The following ARHGEF11 variants were observed in gnomAD, a reference collection of about 807,000 sequenced individuals.
ARHGEF11 encodes the protein Rho guanine exchange factor (GEF) 11.
ARHGEF11 carries 55 observed loss-of-function variants against 193.7 expected under a neutral mutation model. That is an observed-to-expected ratio of 0.28 (90% CI 0.23 to 0.36). ARHGEF11 has a LOEUF of 0.36. Ranked by LOEUF, ARHGEF11 falls within the 10% of genes least tolerant of loss-of-function variation. The pLI, the probability that ARHGEF11 is intolerant of heterozygous loss-of-function variation, is 1.00. For synonymous variants in ARHGEF11, 693 were observed against 768.0 expected, an observed-to-expected ratio of 0.90 and a Z score of 1.62; for missense variants, 1,723 against 2,005.6, an observed-to-expected ratio of 0.86 and a Z score of 2.69.
chr1:157,000,695 G>C (rs1667105638), intron 1 of ARHGEF11, among the ~76,000 whole-genome samples: 1 of 152,214 alleles, frequency 6.6e-6, no homozygotes, highest in Admixed American at 6.5e-5. Context: ...ACCATCAAAT[G>C]GGTAACTTGT....
At chr1:157,011,031 T>C (rs971757883) in intron 1 of ARHGEF11, among the ~76,000 whole-genome samples, 8 of 152,176 alleles carry the variant, frequency 5.3e-5, no homozygotes, top group African/African-American at 1.7e-4. Flanking sequence ...TGAAAATGAA[T>C]AGCTAAAACA....
intron 7 of ARHGEF11, among the ~76,000 whole-genome samples, chr1:156,975,609 AAG>A (rs879507564): frequency 1.4e-4 from 22 of 152,222 alleles, no homozygotes; most frequent in Admixed American, 2.0e-4. Context: ...TGTCATATCT[AAG>A]AAACCACTGC....
At chr1:156,991,695 CT>C (rs899110710) in intron 1 of ARHGEF11, among the ~76,000 whole-genome samples, 1 of 122,488 alleles carries the variant, frequency 8.2e-6, no homozygotes, top group Non-Finnish European at 1.8e-5. Flanking sequence ...TTAGGGTTTT[CT>C]TTTTTTCAAG....
chr1:157,046,569 A>T (rs1014648587), upstream of ARHGEF11, among the ~76,000 whole-genome samples: 1 of 151,962 alleles, frequency 6.6e-6, no homozygotes, highest in Non-Finnish European at 1.5e-5. Context: ...CCACCGACTT[A>T]GGGGGAAGAC....
chr1:156,991,710 ATTTTTTTTTTTT>A (rs57140356), intron 1 of ARHGEF11, among the ~76,000 whole-genome samples: 24 of 83,966 alleles, frequency 2.9e-4, no homozygotes, highest in African/African-American at 4.4e-4. Context: ...TTTCAAGCTT[ATTTTTTTTTTTT>A]TTTTTTTTTT....
rs768728187 is a variant in ARHGEF11, at chr1:156,946,977, C to T, written c.2527G>A (p.Gly843Ser). 24 of 1,613,996 alleles carry T rather than the reference C, an allele frequency of 1.5e-5. No individual in the cohort carries two copies. The highest frequency in any genetic ancestry group is 1.9e-5 in the Non-Finnish European group (23 of 1,180,032). ...TCACTGATCTCTTTGATGATGGGGC[C>T]TTCCTCCCGGAGCTTCTTCATGGCT... is the stretch of plus-strand genomic sequence containing the variant. ...CEAMKKLREE[G>S]PIIKEISDLM... The change falls in exon 27 of 41, where the codon GGC becomes AGC. Residue 843 changes from glycine to serine, a missense_variant. Transcript: ENST00000368194.
chr1:157,021,802 A>C (rs2102911307), intron 1 of ARHGEF11, among the ~76,000 whole-genome samples: 1 of 152,326 alleles, frequency 6.6e-6, no homozygotes, highest in Admixed American at 6.5e-5. Context: ...AATCCTCATC[A>C]AAATATCAGC....
chr1:156,965,968 G>A (rs1661621988), intron 11 of ARHGEF11, among the ~76,000 whole-genome samples: 1 of 152,118 alleles, frequency 6.6e-6, no homozygotes, highest in Non-Finnish European at 1.5e-5. Context: ...CATTATGAAG[G>A]TGGCTACTAT....
intron 14 of ARHGEF11, among the ~76,000 whole-genome samples, chr1:156,960,797 G>T (rs899133707): frequency 3.9e-5 from 6 of 152,194 alleles, no homozygotes; most frequent in Admixed American, 1.3e-4. Flanking sequence ...AAAAGGAAAA[G>T]CCTTCATTAG....
intron 6 of ARHGEF11, 146 bp downstream of exon 6, chr1:156,978,058 G>A: frequency 7.7e-7 from 1 of 1,295,186 alleles, no homozygotes; most frequent in Non-Finnish European, 1.0e-6. Context: ...CTTCATTTTT[G>A]TTCAACTCTT....
chr1:156,952,036 A>G (rs1659192046), intron 21 of ARHGEF11, among the ~76,000 whole-genome samples: 1 of 152,140 alleles, frequency 6.6e-6, no homozygotes. Context: ...TAAAAGCCAC[A>G]TACAGGTTAA....
chr1:157,012,294 CAG>C (rs1170308813), intron 1 of ARHGEF11, among the ~76,000 whole-genome samples: 2 of 152,034 alleles, frequency 1.3e-5, no homozygotes, highest in South Asian at 2.1e-4. Flanking sequence ...TTCATAGAGA[CAG>C]AGAGTAGATT....
At chr1:156,958,715 G>A (rs1023571083) in intron 17 of ARHGEF11, 27 bp downstream of exon 17, 6 of 1,613,968 alleles carry the variant, frequency 3.7e-6, no homozygotes, top group Non-Finnish European at 5.1e-6. Flanking sequence ...GATGTTCAGT[G>A]GGGTGGGAGG....
chr1:157,018,196 G>A (rs1455463747), intron 1 of ARHGEF11, among the ~76,000 whole-genome samples: 1 of 152,056 alleles, frequency 6.6e-6, no homozygotes, highest in Non-Finnish European at 1.5e-5. Context: ...CTAAATAAAA[G>A]AAGAAATACA....
At chr1:156,955,039 C>A in intron 20 of ARHGEF11, 118 bp from the exon 21 acceptor site, 3 of 838,150 alleles carry the variant, frequency 3.6e-6, no homozygotes, top group Admixed American at 2.5e-5. Flanking sequence ...AAAATCAAGG[C>A]TGATCTAGAA....
intron 32 of ARHGEF11, 111 bp from the exon 33 acceptor site, chr1:156,942,891 GGAGA>G: frequency 1.2e-6 from 1 of 827,438 alleles, no homozygotes; most frequent in Admixed American, 2.0e-5. Context: ...CAACGCAGAT[GGAGA>G]GTGCAGCACG....
rs759142850 is a variant in ARHGEF11 at position 156,959,168 on chromosome 1, G to A, written c.1283-26C>T. The A allele has an allele frequency of 1.1e-5, 18 of 1,604,142 alleles. No individual in the cohort carries two copies. In the Middle Eastern group the frequency reaches 5.0e-4, roughly 44 times the overall value. On this transcript the variant is annotated intron_variant, in intron 15 of 40. Transcript: ENST00000368194. ...CTGTAGTGGGAGATCAGAGAAAGCAGAGTGGATGGGGTACTGGGGGTGGAG... is the reference window on the plus strand; with the variant it reads ...CTGTAGTGGGAGATCAGAGAAAGCAAAGTGGATGGGGTACTGGGGGTGGAG...
intron 28 of ARHGEF11, 56 bp downstream of exon 28, chr1:156,946,606 A>G (rs995064666): frequency 6.2e-6 from 10 of 1,611,908 alleles, no homozygotes; most frequent in Admixed American, 1.7e-5. Context: ...AGTTCAGGAG[A>G]TCCTTGGTGA....
Position 156,948,284 on chromosome 1 carries a change from A to T in ARHGEF11, c.2105+35T>A. 1 of 1,608,356 alleles carries T rather than the reference A, an allele frequency of 6.2e-7. No homozygotes were observed. The highest frequency in any genetic ancestry group is 8.5e-7 in the Non-Finnish European group (1 of 1,175,248). ...CTCTATCCTTGCCGCCACCCCTGAG[A>T]TGTCCATGGGTGCAGCCGTTGTAGC... On this transcript the variant is annotated intron_variant, in intron 23 of 40. Coordinates refer to ENST00000368194, the MANE Select transcript of ARHGEF11 (RefSeq NM_198236.3). The surrounding 1 kb of genome is among the most constrained non-coding windows in gnomAD (Gnocchi z 4.2).
Sources: gnomAD v4.1 joint callset for allele counts (sites outside exome capture counted in the v4.1 genomes callset) on GRCh38, gnomAD v4.1.1 for gene constraint, Gnocchi (gnomAD v3.1) non-coding constraint, MANE v1.5 for transcripts, NCBI Gene and HGNC (gene_info 2026-07-23, HGNC 2026-07-21) for gene names.